The following GLRA2 variants were observed in gnomAD, a reference collection of about 807,000 sequenced individuals.
GLRA2 encodes glycine receptor subunit alpha-2.
A neutral mutation model predicts 31.6 loss-of-function variants in GLRA2; 11 were observed. The ratio of observed to expected loss-of-function variants is 0.35; its 90% CI spans 0.22 to 0.58. The LOEUF is 0.58. GLRA2 is among the 20% of genes least tolerant of loss of function. GLRA2 has a pLI of 0.84. For synonymous variants in GLRA2, 132 were observed against 134.0 expected (o/e 0.99, Z 0.10); for missense variants, 212 against 351.8 (o/e 0.60, Z 3.18).
chrX:14,675,664 T>C (rs2091137741), intron 7 of GLRA2, among the ~76,000 whole-genome samples: 1 of 111,698 alleles, frequency 9.0e-6, no homozygotes, highest in African/African-American at 3.3e-5. Context: ...GCTGTCATCA[T>C]CCATCTCTGC....
the GLRA2 span, among the ~76,000 whole-genome samples, chrX:14,516,483 C>T: frequency 1.8e-5 from 2 of 111,090 alleles, no homozygotes; most frequent in Non-Finnish European, 3.8e-5. Context: ...ATAGAACTCT[C>T]TCTGCAAATA....
chrX:14,454,204 A>G, the GLRA2 span, among the ~76,000 whole-genome samples: 3 of 109,569 alleles, frequency 2.7e-5, no homozygotes, highest in East Asian at 8.7e-4. Flanking sequence ...ACACACACAC[A>G]CACACACACA....
the GLRA2 span, among the ~76,000 whole-genome samples, chrX:14,457,778 G>C: frequency 2.9e-5 from 3 of 105,038 alleles, no homozygotes; most frequent in South Asian, 1.2e-3. Flanking sequence ...TCCCCACACT[G>C]TCTTCCACAA....
At chrX:14,454,640 T>C in the GLRA2 span, among the ~76,000 whole-genome samples, 2 of 110,350 alleles carry the variant, frequency 1.8e-5, no homozygotes, top group African/African-American at 6.6e-5. Context: ...AAAATTATAG[T>C]GATCCCCTTC....
the GLRA2 span, among the ~76,000 whole-genome samples, chrX:14,491,806 A>G: frequency 2.7e-5 from 3 of 111,602 alleles, no homozygotes; most frequent in African/African-American, 6.5e-5. Context: ...ATAAGTGAGG[A>G]TGGATGTCAA....
At chrX:14,511,817 C>T in the GLRA2 span, among the ~76,000 whole-genome samples, 1 of 111,412 alleles carries the variant, frequency 9.0e-6, no homozygotes, top group East Asian at 2.8e-4. Flanking sequence ...CCCTACAATC[C>T]GTGTCATTGC....
the GLRA2 span, among the ~76,000 whole-genome samples, chrX:14,458,368 G>A: frequency 6.3e-5 from 7 of 111,302 alleles, no homozygotes; most frequent in Admixed American, 2.9e-4. Flanking sequence ...ATGATTTATA[G>A]TCCTTTGGGT....
chrX:14,669,510 G>A (rs970200299), intron 7 of GLRA2, among the ~76,000 whole-genome samples: 6 of 111,112 alleles, frequency 5.4e-5, no homozygotes, highest in Admixed American at 9.6e-5. Context: ...TTCTGCTTGG[G>A]CATCCAGGTG....
chrX:14,522,882 G>T, the GLRA2 span, among the ~76,000 whole-genome samples: 2 of 111,815 alleles, frequency 1.8e-5, no homozygotes, highest in African/African-American at 6.5e-5. Context: ...AGTAGAGTTT[G>T]CATACTTTTT....
intron 2 of GLRA2, among the ~76,000 whole-genome samples, chrX:14,559,058 C>G (rs1359392085): frequency 9.0e-6 from 1 of 111,688 alleles, no homozygotes; most frequent in Non-Finnish European, 1.9e-5. Flanking sequence ...CTCCTGACTT[C>G]AGGTGATCTG....
chrX:14,550,700 T>A (rs1215612616), intron 2 of GLRA2, among the ~76,000 whole-genome samples: 1 of 111,596 alleles, frequency 9.0e-6, no homozygotes, highest in Non-Finnish European at 1.9e-5. Flanking sequence ...TTTAAACACA[T>A]CATGAAAACA....
At chrX:14,617,527 CA>C (rs2090466961) in intron 7 of GLRA2, among the ~76,000 whole-genome samples, 1 of 111,690 alleles carries the variant, frequency 9.0e-6, no homozygotes, top group African/African-American at 3.3e-5. Flanking sequence ...GTCAATGGGA[CA>C]ATGGCAAATG....
the GLRA2 span, among the ~76,000 whole-genome samples, chrX:14,503,831 G>C: frequency 9.0e-6 from 1 of 111,664 alleles, no homozygotes; most frequent in Non-Finnish European, 1.9e-5. Flanking sequence ...CAGCTCTGAG[G>C]GTGGGGCCCA....
the GLRA2 span, among the ~76,000 whole-genome samples, chrX:14,507,686 A>ATTTTTTTTTTTTTTTTTTTT: frequency 1.6e-4 from 9 of 56,035 alleles, no homozygotes; most frequent in Non-Finnish European, 3.2e-4. Flanking sequence ...TACGAAAGAC[A>ATTTTTTTTTTTTTTTTTTTT]TTCTTTTTTT....
At chrX:14,620,002 C>A (rs866885420) in intron 7 of GLRA2, among the ~76,000 whole-genome samples, 1 of 93,899 alleles carries the variant, frequency 1.1e-5, no homozygotes, top group African/African-American at 3.9e-5. Flanking sequence ...GGCGCCCCCC[C>A]GTTTTTTTTT....
intron 8 of GLRA2, among the ~76,000 whole-genome samples, chrX:14,701,589 G>C (rs2188886): frequency 9.1e-6 from 1 of 109,598 alleles, no homozygotes; most frequent in African/African-American, 3.3e-5. Flanking sequence ...GGTAGAGAAA[G>C]GGGGATACTG....
chrX:14,483,551 C>G, the GLRA2 span, among the ~76,000 whole-genome samples: 1 of 112,262 alleles, frequency 8.9e-6, no homozygotes, highest in African/African-American at 3.2e-5. Context: ...TACAAGAAAA[C>G]TGTCCTCTGA....
chrX:14,612,682 G>A (rs1375868486), intron 7 of GLRA2, among the ~76,000 whole-genome samples: 1 of 110,772 alleles, frequency 9.0e-6, no homozygotes, highest in Admixed American at 9.7e-5. Flanking sequence ...CAGGGACATG[G>A]ATGAAGCTGG....
At chrX:14,684,155 G>A (rs1165951445) in intron 7 of GLRA2, among the ~76,000 whole-genome samples, 2 of 111,413 alleles carry the variant, frequency 1.8e-5, no homozygotes, top group African/African-American at 3.3e-5. Context: ...TGAGGGCTCC[G>A]TTCTGTTCCA....
Sources: allele counts gnomAD v4.1 joint callset (sites outside exome capture counted in the v4.1 genomes callset), GRCh38; gene constraint gnomAD v4.1.1; transcripts MANE v1.5; gene names NCBI Gene and HGNC (gene_info 2026-07-23, HGNC 2026-07-21).